TDP2: variants seen among roughly 807,000 people sequenced by gnomAD.
TDP2 encodes 5'-Tyr-DNA phosphodiesterase.
In TDP2, 38 loss-of-function variants were observed where a neutral mutation model predicts 42.8. That is an observed-to-expected ratio of 0.89 (90% confidence interval 0.68 to 1.16). The LOEUF (loss-of-function observed/expected upper bound fraction) is 1.16, where lower values mean the gene tolerates loss of function less well. Ranked by LOEUF, TDP2 falls within the 50% of genes most tolerant of loss-of-function variation. The probability of loss-of-function intolerance (pLI) is 0.00; values close to 1 mark genes in which losing one functional copy is unlikely to be tolerated. For synonymous variants in TDP2, 173 were observed against 150.6 expected, an observed-to-expected ratio of 1.15 and a Z score of -1.09; for missense variants, 439 against 439.3, an observed-to-expected ratio of 1.00 and a Z score of 0.01.
At chr6:24,660,157 A>T (rs1778117533) in intron 2 of TDP2, among the ~76,000 whole-genome samples, 1 of 152,198 alleles carries the variant, frequency 6.6e-6, no homozygotes. Flanking sequence ...AAATATTAAC[A>T]TTTTACTTAA....
intron 2 of TDP2, among the ~76,000 whole-genome samples, chr6:24,660,390 G>A (rs115268436): frequency 3.7e-4 from 56 of 152,264 alleles, no homozygotes; most frequent in African/African-American, 1.3e-3. Flanking sequence ...CTAGCCTACT[G>A]CTCCTAGGCT....
chr6:24,665,711 T>C (rs1033986083), intron 2 of TDP2, among the ~76,000 whole-genome samples: 11 of 152,152 alleles, frequency 7.2e-5, no homozygotes, highest in African/African-American at 2.7e-4. Flanking sequence ...TGAACAGCAA[T>C]TATAATACGG....
At chr6:24,666,220 G>T in intron 2 of TDP2, 5 of 1,547,596 alleles carry the variant, frequency 3.2e-6, no homozygotes, top group Non-Finnish European at 4.4e-6. Context: ...TTTAGCCTTC[G>T]TTCATTTGTT....
At chr6:24,651,791 C>T (rs1199530080) in intron 6 of TDP2, among the ~76,000 whole-genome samples, 1 of 152,016 alleles carries the variant, frequency 6.6e-6, no homozygotes, top group African/African-American at 2.4e-5. Flanking sequence ...TTCACCGTGC[C>T]GGCCAGGCTG....
At chr6:24,656,366 G>A (rs1158073212) in intron 4 of TDP2, among the ~76,000 whole-genome samples, 1 of 151,884 alleles carries the variant, frequency 6.6e-6, no homozygotes, top group Non-Finnish European at 1.5e-5. Context: ...CAGAAAAATG[G>A]GAGAGTAAAA....
In TDP2 at chr6:24,666,514, C is replaced by A; in HGVS notation, c.251+12G>T. ...TCCGTGCGGACTGGCTCCCGCTCCC[C>A]TCATCACTTACTAGGTCTTGGGCTC... On this transcript the variant is annotated intron_variant, in intron 2 of 6. Transcript: ENST00000378198. 6.2e-7 allele frequency: 1 copy of A among 1,613,558 alleles called. No homozygotes were observed. The highest frequency in any genetic ancestry group is 8.5e-7 in the Non-Finnish European group (1 of 1,179,510).
chr6:24,666,428 T>C, intron 2 of TDP2, 98 bp downstream of exon 2: 5 of 1,464,448 alleles, frequency 3.4e-6, no homozygotes, highest in Non-Finnish European at 3.8e-6. Flanking sequence ...TGCCTCAGCA[T>C]CGTCCGCCCA....
chr6:24,660,544 T>C lies in TDP2; in HGVS notation c.252-1810A>G, dbSNP rs368561786. On this transcript the variant is annotated intron_variant, in intron 2 of 6. Transcript: ENST00000378198. The stretch of plus-strand genomic sequence containing the variant: ...AATCTTATGGGATCATCTTCATTTA[T>C]GCAGTTTGTTGTCAATAGAGATGTG... Among the ~76,000 whole-genome samples, 18 of 152,366 alleles carry C rather than the reference T, an allele frequency of 1.2e-4. No homozygotes were observed. In the East Asian group the frequency reaches 2.9e-3, roughly 24 times the overall value.
At position 24,665,906 on chromosome 6, in the gene TDP2, T is replaced by A. The variant is rs147789526; in HGVS notation, c.251+620A>T. ...ATTCCAGGCACAGGTAATAAAGATC[T>A]TTACGAAGTTTCAAAGACAGGAGAA... On this transcript the variant is annotated intron_variant, in intron 2 of 6. Coordinates refer to ENST00000378198, the MANE Select transcript of TDP2 (RefSeq NM_016614.3). 458 of 519,816 alleles carry A rather than the reference T, an allele frequency of 8.8e-4. 2 individuals carry two copies. The highest frequency in any genetic ancestry group is 6.6e-3 in the African/African-American group (333 of 50,620). 32.2% of individuals were successfully genotyped at this position (519,816 alleles called of 1,614,324 possible).
chr6:24,656,522 GA>G (rs548353030), intron 4 of TDP2, among the ~76,000 whole-genome samples: 103 of 152,112 alleles, frequency 6.8e-4, no homozygotes, highest in Non-Finnish European at 7.1e-4. Context: ...AAATTCCACA[GA>G]ATAAAAGTTC....
In TDP2 at chr6:24,653,095, C is replaced by A; in HGVS notation, c.695G>T (p.Gly232Val). ...CTGATTCATTCGTTCCGCAGCATGCCCTCTGGTGCTCTCCAAATGGGATGT... is the reference window on the plus strand; with the variant it reads ...CTGATTCATTCGTTCCGCAGCATGCACTCTGGTGCTCTCCAAATGGGATGT... Reference protein sequence around the residue: ...LMTSHLESTRGHAAERMNQLK... With the variant: ...LMTSHLESTRVHAAERMNQLK... Residue 232 changes from glycine (G) to valine (V), a missense_variant, in exon 6 of 7, where the codon GGG becomes GTG. Physicochemically the swap from Gly to Val is moderately radical, Grantham distance 109. Coordinates refer to ENST00000378198, the MANE Select transcript of TDP2 (RefSeq NM_016614.3). 6.2e-7 allele frequency: 1 copy of A among 1,614,078 alleles called. No individual in the cohort carries two copies. Among genetic ancestry groups the A allele is most frequent in the East Asian group, 2.2e-5 (1 of 44,880 alleles).
At chr6:24,661,361 C>T (rs944923688) in intron 2 of TDP2, among the ~76,000 whole-genome samples, 5 of 152,072 alleles carry the variant, frequency 3.3e-5, no homozygotes, top group African/African-American at 4.8e-5. Flanking sequence ...TTGGGTTATA[C>T]CAGATTTCAC....
intron 4 of TDP2, among the ~76,000 whole-genome samples, chr6:24,656,276 C>A (rs1254512946): frequency 6.6e-6 from 1 of 151,764 alleles, no homozygotes; most frequent in East Asian, 1.9e-4. Context: ...GTAGAACAGT[C>A]AATAGAGATA....
chr6:24,666,893 G>A lies in TDP2; in HGVS notation c.-31C>T, dbSNP rs1778260366. The A allele has an allele frequency of 1.6e-5, 26 of 1,610,898 alleles. No homozygotes were observed. The highest frequency in any genetic ancestry group is 2.0e-5 in the Non-Finnish European group (24 of 1,180,002). On this transcript the variant is annotated 5_prime_UTR_variant, in exon 1 of 7. Transcript: ENST00000378198. ...TGCCGCCTCTGCACCGCCCCTTTAA[G>A]CGGAACAGGAGGCCAACGCGCGGCT...
intron 4 of TDP2, among the ~76,000 whole-genome samples, chr6:24,655,917 T>C (rs1778054666): frequency 6.6e-6 from 1 of 152,240 alleles, no homozygotes; most frequent in Admixed American, 6.5e-5. Context: ...CCCTCACCCC[T>C]GTCCAGTAAG....
intron 6 of TDP2, among the ~76,000 whole-genome samples, chr6:24,652,651 C>G (rs2294690): frequency 0.13 from 19,255 of 151,852 alleles, 2,217 homozygotes; most frequent in East Asian, 0.45. Flanking sequence ...CATATTGCAC[C>G]TAGGAATACT....
intron 4 of TDP2, 24 bp from the exon 5 acceptor site, chr6:24,654,554 T>C (rs764172023): frequency 7.7e-7 from 1 of 1,295,146 alleles, no homozygotes. Context: ...TGGAAAAGAA[T>C]TTAGGCTGAG....
Position 24,650,565 on chromosome 6 carries a change from T to G in TDP2, c.*223A>C, listed in dbSNP as rs1777955577. The G allele has an allele frequency of 5.5e-6, 3 of 540,646 alleles. No homozygotes were observed. The allele number at this position is 540,646 out of a possible 1,614,324, so 33.5% of individuals were successfully genotyped here. ...CCGTTGAAAACTCTGACAGGCTTTG[T>G]GCCCTTTTTATTAAATGGCCTCACA... On this transcript the variant is annotated 3_prime_UTR_variant, in exon 7 of 7. Transcript: ENST00000378198.
In TDP2 at chr6:24,657,862, G is replaced by A; in HGVS notation, c.467C>T (p.Pro156Leu). 6.3e-7 allele frequency: 1 copy of A among 1,585,458 alleles called. No individual in the cohort carries two copies. Among genetic ancestry groups the A allele is most frequent in the Non-Finnish European group, 8.6e-7 (1 of 1,165,316 alleles). Residue 156 changes from proline to leucine, a missense_variant, in exon 4 of 7, where the codon CCA becomes CTA. Physicochemically the swap from Pro to Leu is moderately conservative, Grantham distance 98 (BLOSUM62 -3). Coordinates refer to ENST00000378198, the MANE Select transcript of TDP2 (RefSeq NM_016614.3). ...TCTCTTCTTTAGGTAGCTATAATAT[G>A]GGGGAATAACTTCCTGTAGAAATAT... ...DVIFLQEVIP[P>L]YYSYLKKRSS... is the part of the protein sequence containing the mutation.
Sources: allele counts gnomAD v4.1 joint callset (sites outside exome capture counted in the v4.1 genomes callset), GRCh38; gene constraint gnomAD v4.1.1; transcripts MANE v1.5; gene names NCBI Gene and HGNC (gene_info 2026-07-23, HGNC 2026-07-21).